The following HLF variants were observed in gnomAD, a reference collection of about 807,000 sequenced individuals.
HLF encodes the protein hepatic leukemia factor.
Under a neutral mutation model 22.6 loss-of-function variants are expected in HLF, and 3 were observed. The ratio of observed to expected loss-of-function variants is 0.13; its 90% CI spans 0.06 to 0.34. The LOEUF is 0.34. Ranked by LOEUF, HLF falls within the 10% of genes least tolerant of loss-of-function variation. The pLI, the probability that HLF is intolerant of heterozygous loss-of-function variation, is 1.00. For synonymous variants in HLF, 151 were observed against 151.8 expected, an observed-to-expected ratio of 0.99 and a Z score of 0.04; for missense variants, 299 against 389.2, an observed-to-expected ratio of 0.77 and a Z score of 1.95.
chr17:55,295,009 C>T (rs1238187958), intron 2 of HLF, among the ~76,000 whole-genome samples: 1 of 152,068 alleles, frequency 6.6e-6, no homozygotes, highest in Non-Finnish European at 1.5e-5. Context: ...TATTTTTAAT[C>T]ATTTACTGAG....
intron 2 of HLF, among the ~76,000 whole-genome samples, chr17:55,286,209 G>A (rs1302666941): frequency 6.6e-6 from 1 of 152,208 alleles, no homozygotes; most frequent in Non-Finnish European, 1.5e-5. Context: ...CAAGCCGCCT[G>A]GAATGGCAAA....
At chr17:55,307,389 G>A (rs1904627649) in intron 2 of HLF, among the ~76,000 whole-genome samples, 3 of 150,758 alleles carry the variant, frequency 2.0e-5, no homozygotes, top group African/African-American at 2.4e-5. Flanking sequence ...GGGTGGTCTC[G>A]AACTCCTGGC....
intron 2 of HLF, among the ~76,000 whole-genome samples, chr17:55,293,340 G>A (rs959167074): frequency 4.6e-5 from 7 of 152,208 alleles, no homozygotes; most frequent in Admixed American, 4.6e-4. Flanking sequence ...GCTGGACTGG[G>A]CAACGGCCGA....
intron 2 of HLF, among the ~76,000 whole-genome samples, chr17:55,276,394 G>A (rs2145307032): frequency 6.6e-6 from 1 of 152,302 alleles, no homozygotes; most frequent in East Asian, 1.9e-4. Flanking sequence ...CTGAAAAGAG[G>A]AGGTTGAAAG....
At chr17:55,283,133 A>G (rs1041568860) in intron 2 of HLF, among the ~76,000 whole-genome samples, 1 of 152,070 alleles carries the variant, frequency 6.6e-6, no homozygotes, top group Non-Finnish European at 1.5e-5. Flanking sequence ...AAAGAAAAAA[A>G]AAAGGAAAGC....
chr17:55,310,569 GCAGTGATCATTAGTCT>G lies in HLF; in HGVS notation c.452-4653_452-4638del, dbSNP rs894451799. On this transcript the variant is annotated intron_variant, in intron 2 of 3. Coordinates refer to ENST00000226067, the MANE Select transcript of HLF (RefSeq NM_002126.5). ...CATATTCCTTTAAAGTCTGGGACAAGCAGTGATCATTAGTCTCAGTCTCTCTTTCTTCTCATTGTCT... is the reference window on the plus strand; with the variant it reads ...CATATTCCTTTAAAGTCTGGGACAAGCAGTCTCTCTTTCTTCTCATTGTCT... Among the ~76,000 whole-genome samples, 13 of 152,322 alleles carry G rather than the reference GCAGTGATCATTAGTCT, an allele frequency of 8.5e-5. 1 individual carries two copies. The highest frequency in any genetic ancestry group is 6.8e-3 in the Middle Eastern group (2 of 294).
At position 55,321,439 on chromosome 17, in the gene HLF, T is replaced by C. The variant is rs1411089209; in HGVS notation, c.*560T>C. On this transcript the variant is annotated 3_prime_UTR_variant, in exon 4 of 4. Coordinates refer to ENST00000226067, the MANE Select transcript of HLF (RefSeq NM_002126.5). The stretch of plus-strand genomic sequence containing the variant: ...TAAGTTGCTTTCCTCTTACTTTCAG[T>C]TTTGGTGATAATCGTCTTCAAATTA... 1 of 232,182 alleles carries C rather than the reference T, an allele frequency of 4.3e-6. No homozygotes were observed. Among genetic ancestry groups the C allele is most frequent in the Admixed American group, 5.6e-5 (1 of 17,752 alleles). 14.4% of individuals were successfully genotyped at this position (232,182 alleles called of 1,614,324 possible).
chr17:55,282,427 G>A (rs954952891), intron 2 of HLF, among the ~76,000 whole-genome samples: 2 of 152,088 alleles, frequency 1.3e-5, no homozygotes, highest in South Asian at 2.1e-4. Context: ...AATAATCTAC[G>A]TCCTTCTAAC....
intron 2 of HLF, among the ~76,000 whole-genome samples, chr17:55,303,111 A>G (rs1350095953): frequency 5.9e-5 from 9 of 152,194 alleles, no homozygotes; most frequent in Non-Finnish European, 1.2e-4. Context: ...CTTGACCACC[A>G]TCACCGCTCT....
At position 55,320,777 on chromosome 17, in the gene HLF, G is replaced by A; in HGVS notation, c.786G>A (p.Lys262=). 1 of 1,613,992 alleles carries A rather than the reference G, an allele frequency of 6.2e-7. No individual in the cohort carries two copies. Among genetic ancestry groups the A allele is most frequent in the Non-Finnish European group, 8.5e-7 (1 of 1,179,938 alleles). The change falls in exon 4 of 4, where the codon AAG becomes AAA. Residue 262 remains lysine (K), a synonymous_variant. Transcript: ENST00000226067. The surrounding 1 kb of genome is among the most constrained non-coding windows in gnomAD (Gnocchi z 4.2). Reference sequence around the variant, plus strand: ...CCATCCGGGCCTCGTTCCTGGAGAAGGAGAACTCGGCCCTCCGCCAGGAGG... The same window carrying A: ...CCATCCGGGCCTCGTTCCTGGAGAAAGAGAACTCGGCCCTCCGCCAGGAGG... ...QIAIRASFLE[K]ENSALRQEVA...
chr17:55,317,061 C>T (rs1051801541), intron 3 of HLF, among the ~76,000 whole-genome samples: 4 of 151,512 alleles, frequency 2.6e-5, no homozygotes, highest in Non-Finnish European at 5.9e-5. Flanking sequence ...TCCGCCTCCC[C>T]GGTTCAAGCC....
At chr17:55,288,994 A>G (rs2081033891) in intron 2 of HLF, 1 of 949,148 alleles carries the variant, frequency 1.1e-6, no homozygotes, top group Non-Finnish European at 1.3e-6. Flanking sequence ...GTAAGTAGAG[A>G]AGCTCCATGT....
intron 2 of HLF, among the ~76,000 whole-genome samples, chr17:55,269,783 G>C (rs147126788): frequency 4.6e-5 from 7 of 152,104 alleles, no homozygotes; most frequent in African/African-American, 1.7e-4. Context: ...AAATATCTTC[G>C]TAAGGTAACT....
chr17:55,288,337 G>A (rs2081025188), intron 2 of HLF, among the ~76,000 whole-genome samples: 1 of 151,916 alleles, frequency 6.6e-6, no homozygotes, highest in Admixed American at 6.6e-5. Context: ...TAGTAGAGAG[G>A]GAGTTTCACC....
chr17:55,286,610 GAAT>G (rs2081006272), intron 2 of HLF, among the ~76,000 whole-genome samples: 1 of 152,130 alleles, frequency 6.6e-6, no homozygotes, highest in Admixed American at 6.5e-5. Context: ...AGATTTATTG[GAAT>G]AATAATGACG....
chr17:55,276,794 G>T (rs956439201), intron 2 of HLF, among the ~76,000 whole-genome samples: 1 of 152,188 alleles, frequency 6.6e-6, no homozygotes, highest in Non-Finnish European at 1.5e-5. Flanking sequence ...AGGTTTTTCA[G>T]CAGGAAAGTG....
chr17:55,296,862 A>G (rs949931499), intron 2 of HLF, among the ~76,000 whole-genome samples: 4 of 151,612 alleles, frequency 2.6e-5, no homozygotes, highest in Admixed American at 2.0e-4. Flanking sequence ...TACAGAGCCC[A>G]GGCCCCATTT....
chr17:55,276,920 A>G (rs2080908991), intron 2 of HLF, among the ~76,000 whole-genome samples: 1 of 152,112 alleles, frequency 6.6e-6, no homozygotes, highest in African/African-American at 2.4e-5. Context: ...GAAAATAAAT[A>G]CTCTCCCTTG....
chr17:55,272,879 T>C (rs2080870950), intron 2 of HLF: 1 of 152,320 alleles, frequency 6.6e-6, no homozygotes, highest in Non-Finnish European at 1.5e-5. Context: ...TGACTGATAG[T>C]AGCTGTGCCC....
Sources: allele counts gnomAD v4.1 joint callset (sites outside exome capture counted in the v4.1 genomes callset), GRCh38; gene constraint gnomAD v4.1.1; non-coding constraint Gnocchi (gnomAD v3.1); transcripts MANE v1.5; gene names NCBI Gene and HGNC (gene_info 2026-07-23, HGNC 2026-07-21).